Variants in PPIP5K2 observed in about 807,000 individuals in gnomAD.
PPIP5K2 encodes the protein diphosphoinositol pentakisphosphate kinase 2, also known as inositol hexakisphosphate and diphosphoinositol-pentakisphosphate kinase 2.
PPIP5K2 carries 105 observed loss-of-function variants against 154.6 expected under a neutral mutation model. The ratio of observed to expected loss-of-function variants is 0.68; its 90% CI spans 0.58 to 0.80. The LOEUF (loss-of-function observed/expected upper bound fraction) is 0.80. PPIP5K2 is among the 30% of genes least tolerant of loss of function. The probability of loss-of-function intolerance (pLI) is 0.00; values close to 1 mark genes in which losing one functional copy is unlikely to be tolerated. For synonymous variants in PPIP5K2, 480 were observed against 490.3 expected (o/e 0.98, Z 0.28); for missense variants, 992 against 1,504.6 (o/e 0.66, Z 5.64).
intron 30 of PPIP5K2, among the ~76,000 whole-genome samples, chr5:103,198,206 C>T (rs1935973339): frequency 6.6e-6 from 1 of 151,050 alleles, no homozygotes; most frequent in Non-Finnish European, 1.5e-5. Flanking sequence ...TGTTTTTAAT[C>T]AATTTCTTAT....
At chr5:103,197,569 A>ATTTTTTTT (rs782156090) in intron 30 of PPIP5K2, among the ~76,000 whole-genome samples, 12 of 86,976 alleles carry the variant, frequency 1.4e-4, no homozygotes, top group East Asian at 3.8e-4. Context: ...TAAAACACAA[A>ATTTTTTTT]TTTTTTTTTT....
rs1254442940 is a variant in PPIP5K2 at position 103,204,871 on chromosome 5, A to C, written c.*3237A>C. On this transcript the variant is annotated 3_prime_UTR_variant, in exon 31 of 31. Coordinates refer to ENST00000358359, the MANE Select transcript of PPIP5K2 (RefSeq NM_001276277.3). ...AAATATATTACTGAGTTTTTTTTTTAATACTGTAAGTTCTAGGGTACATGT... is the reference window on the plus strand; with the variant it reads ...AAATATATTACTGAGTTTTTTTTTTCATACTGTAAGTTCTAGGGTACATGT... 1 of 151,436 alleles carries C rather than the reference A, an allele frequency of 6.6e-6. No individual in the cohort carries two copies. Among genetic ancestry groups the C allele is most frequent in the Non-Finnish European group, 1.5e-5 (1 of 67,842 alleles). 9.4% of individuals were successfully genotyped at this position (151,436 alleles called of 1,614,324 possible). A position where few individuals can be genotyped will look rare whatever the true frequency, so the allele number is the denominator to read the frequency against.
At position 103,129,573 on chromosome 5, in the gene PPIP5K2, CATCAA is replaced by C. The variant is rs782137766; in HGVS notation, c.-14_-10del. On this transcript the variant is annotated 5_prime_UTR_variant, in exon 2 of 31. Transcript: ENST00000358359. Reference sequence around the variant, plus strand: ...ATATAAATCATTTCAATTATATCTACATCAAATAAAATAAAAATGAGTGAAGCCCC... The same window carrying C: ...ATATAAATCATTTCAATTATATCTACATAAAATAAAAATGAGTGAAGCCCC... 1.3e-6 allele frequency: 2 copies of C among 1,553,904 alleles called. No homozygotes were observed. Among genetic ancestry groups the C allele is most frequent in the Non-Finnish European group, 1.7e-6 (2 of 1,156,196 alleles).
chr5:103,124,008 C>T (rs376117798), intron 1 of PPIP5K2, among the ~76,000 whole-genome samples: 1 of 152,104 alleles, frequency 6.6e-6, no homozygotes, highest in Non-Finnish European at 1.5e-5. Flanking sequence ...TGGCCGGGCG[C>T]GGTGGCTCAC....
chr5:103,159,247 C>T lies in PPIP5K2; in HGVS notation c.1839C>T (p.Ser613=). The change falls in exon 17 of 31, where the codon AGC becomes AGT. Residue 613 remains serine (S), a synonymous_variant. Coordinates refer to ENST00000358359, the MANE Select transcript of PPIP5K2 (RefSeq NM_001276277.3). Reference sequence around the variant, plus strand: ...TGGATAGTGATAGTGACTCTCTGAGCAGTTGTCAGCAACGTGTGAAGGCAA... The same window carrying T: ...TGGATAGTGATAGTGACTCTCTGAGTAGTTGTCAGCAACGTGTGAAGGCAA... ...GLLDSDSDSL[S]SCQQRVKARL... 3.7e-6 allele frequency: 6 copies of T among 1,613,148 alleles called. No homozygotes were observed. The highest frequency in any genetic ancestry group is 5.1e-6 in the Non-Finnish European group (6 of 1,179,370).
In PPIP5K2 at chr5:103,173,986, G is replaced by A. The variant is rs782276967; in HGVS notation, c.2529+14G>A. On this transcript the variant is annotated intron_variant, in intron 21 of 30. Transcript: ENST00000358359. Reference sequence around the variant, plus strand: ...GCCTTATGCAATGTAAGTAGAATAAGTTATTTCAGTCTAACAAATATATTT... The same window carrying A: ...GCCTTATGCAATGTAAGTAGAATAAATTATTTCAGTCTAACAAATATATTT... The A allele has an allele frequency of 6.7e-7, 1 of 1,492,130 alleles. No individual in the cohort carries two copies. Among genetic ancestry groups the A allele is most frequent in the African/African-American group, 1.4e-5 (1 of 71,154 alleles). 92.4% of individuals were successfully genotyped at this position (1,492,130 alleles called of 1,614,324 possible). A position where few individuals can be genotyped will look rare whatever the true frequency, so the allele number is the denominator to read the frequency against.
chr5:103,145,720 T>C (rs1317007323), intron 5 of PPIP5K2, among the ~76,000 whole-genome samples: 1 of 151,900 alleles, frequency 6.6e-6, no homozygotes, highest in Non-Finnish European at 1.5e-5. Context: ...TACTTGTTAC[T>C]GGAGGGAAGG....
chr5:103,184,881 T>C, intron 26 of PPIP5K2, 137 bp downstream of exon 26: 1 of 580,504 alleles, frequency 1.7e-6, no homozygotes, highest in Non-Finnish European at 3.0e-6. Context: ...TCAGAAATGT[T>C]GAGTTGTATA....
Position 103,155,818 on chromosome 5 carries a change from A to C in PPIP5K2, c.1404-91A>C, listed in dbSNP as rs1252578473. 3.6e-6 allele frequency: 3 copies of C among 823,488 alleles called. No individual in the cohort carries two copies. The African/African-American group carries it at 5.2e-5, about 14-fold the overall frequency. The allele number at this position is 823,488 out of a possible 1,614,324, so 51.0% of individuals were successfully genotyped here. ...TTTTGATAGAATATTTCGAAGAATT[A>C]AACAGGCGGTTACAAATAAAAGGGA... On this transcript the variant is annotated intron_variant, in intron 13 of 30. Coordinates refer to ENST00000358359, the MANE Select transcript of PPIP5K2 (RefSeq NM_001276277.3).
chr5:103,165,564 G>A (rs2149660703), intron 17 of PPIP5K2, among the ~76,000 whole-genome samples: 1 of 151,992 alleles, frequency 6.6e-6, no homozygotes, highest in South Asian at 2.1e-4. Flanking sequence ...CCCTGCGAGG[G>A]GCAACATGAA....
chr5:103,127,142 C>A (rs1185935881), intron 1 of PPIP5K2, among the ~76,000 whole-genome samples: 1 of 152,116 alleles, frequency 6.6e-6, no homozygotes, highest in African/African-American at 2.4e-5. Context: ...ATTGTTCTCA[C>A]TTTGTTAGAA....
At chr5:103,181,591 A>AAATG (rs1393660933) in intron 24 of PPIP5K2, among the ~76,000 whole-genome samples, 2 of 152,040 alleles carry the variant, frequency 1.3e-5, no homozygotes, top group Non-Finnish European at 2.9e-5. Context: ...ATAAATAAAT[A>AAATG]AATACACACA....
At chr5:103,126,858 G>A (rs1406640829) in intron 1 of PPIP5K2, among the ~76,000 whole-genome samples, 1 of 149,784 alleles carries the variant, frequency 6.7e-6, no homozygotes, top group Non-Finnish European at 1.5e-5. Flanking sequence ...TGACTCAAAT[G>A]TTTATCTCCT....
In PPIP5K2 at chr5:103,158,579, A is replaced by C. The variant is rs544641805; in HGVS notation, c.1737+6A>C. On this transcript the variant is annotated splice_donor_region_variant and intron_variant, in intron 16 of 30. Transcript: ENST00000358359. ...CTGCAGCTGCTTTTGCAAAGGTATAAATAATTTTTTTTTAGAATTATTAGA... is the reference window on the plus strand; with the variant it reads ...CTGCAGCTGCTTTTGCAAAGGTATACATAATTTTTTTTTAGAATTATTAGA... 15 of 1,565,926 alleles carry C rather than the reference A, an allele frequency of 9.6e-6. No homozygotes were observed. Among genetic ancestry groups the C allele is most frequent in the Non-Finnish European group, 1.3e-5 (15 of 1,164,648 alleles).
chr5:103,122,885 T>G (rs1423997838), intron 1 of PPIP5K2, among the ~76,000 whole-genome samples: 1 of 152,126 alleles, frequency 6.6e-6, no homozygotes, highest in African/African-American at 2.4e-5. Context: ...TCCAGGGTGT[T>G]ATTTTGAGGA....
In PPIP5K2 at chr5:103,201,598, G is replaced by A. The variant is rs782198189; in HGVS notation, c.3696G>A (p.Thr1232=). Residue 1232 remains threonine, a synonymous_variant, in exon 31 of 31, where the codon ACG becomes ACA. Transcript: ENST00000358359. ...RKKNITSKTE[T]HEHKKNTGKK... ...AGAATATAACTAGCAAAACAGAAAC[G>A]CATGAACACAAAAAAAACACTGGGA... is the stretch of plus-strand genomic sequence containing the variant. The A allele has an allele frequency of 6.8e-6, 11 of 1,607,782 alleles. No individual in the cohort carries two copies. Among genetic ancestry groups the A allele is most frequent in the African/African-American group, 5.4e-5 (4 of 74,318 alleles).
chr5:103,126,944 T>G (rs1554200942), intron 1 of PPIP5K2, among the ~76,000 whole-genome samples: 1 of 152,230 alleles, frequency 6.6e-6, no homozygotes, highest in East Asian at 1.9e-4. Flanking sequence ...CACTCAGTAT[T>G]AACCATCACA....
At position 103,176,919 on chromosome 5, in the gene PPIP5K2, A is replaced by G. The variant is rs1343876144; in HGVS notation, c.2530-748A>G. 2.8e-6 allele frequency: 4 copies of G among 1,448,578 alleles called. No individual in the cohort carries two copies. In the Admixed American group the frequency reaches 6.1e-5, roughly 22 times the overall value. 89.7% of individuals were successfully genotyped at this position (1,448,578 alleles called of 1,614,324 possible). ...GAATGGTGAAGGAGATGGTAAGATC[A>G]ATAGAATTTACATATGCCTCCTTCT... On this transcript the variant is annotated intron_variant, in intron 21 of 30. Coordinates refer to ENST00000358359, the MANE Select transcript of PPIP5K2 (RefSeq NM_001276277.3).
At chr5:103,173,998 T>C in intron 21 of PPIP5K2, 26 bp downstream of exon 21, 1 of 1,436,878 alleles carries the variant, frequency 7.0e-7, no homozygotes, top group Non-Finnish European at 9.6e-7. Context: ...TATTTCAGTC[T>C]AACAAATATA....
Sources: allele counts gnomAD v4.1 joint callset (sites outside exome capture counted in the v4.1 genomes callset), GRCh38; gene constraint gnomAD v4.1.1; transcripts MANE v1.5; gene names NCBI Gene and HGNC (gene_info 2026-07-23, HGNC 2026-07-21).